TTC12: variants seen among roughly 807,000 people sequenced by gnomAD.
TTC12 encodes tetratricopeptide repeat domain 12.
TTC12 carries 70 observed loss-of-function variants against 90.1 expected under a neutral mutation model. That is an observed-to-expected ratio of 0.78 (90% CI 0.64 to 0.95). The LOEUF (loss-of-function observed/expected upper bound fraction) is 0.95, where lower values mean the gene tolerates loss of function less well. TTC12 is among the 40% of genes least tolerant of loss of function. The pLI, the probability that TTC12 is intolerant of heterozygous loss-of-function variation, is 0.00. For synonymous variants in TTC12, 296 were observed against 311.5 expected (o/e 0.95, Z 0.53); for missense variants, 819 against 846.1 (o/e 0.97, Z 0.40).
intron 18 of TTC12, among the ~76,000 whole-genome samples, chr11:113,360,701 C>T (rs1474186197): frequency 1.3e-5 from 2 of 152,156 alleles, no homozygotes; most frequent in East Asian, 3.9e-4. Context: ...GCTAGGGAAG[C>T]AATTAGGGCC....
intron 13 of TTC12, among the ~76,000 whole-genome samples, chr11:113,345,047 T>G (rs1179597952): frequency 6.6e-6 from 1 of 152,246 alleles, no homozygotes; most frequent in Admixed American, 6.5e-5. Context: ...TTTGTTATTT[T>G]GCTCACTTGT....
rs782365643 is a variant in TTC12 at position 113,340,710 on chromosome 11, C to T, written c.873C>T (p.Ile291=). The T allele has an allele frequency of 1.2e-6, 2 of 1,614,026 alleles. No homozygotes were observed. The highest frequency in any genetic ancestry group is 1.7e-6 in the Non-Finnish European group (2 of 1,179,924). The change falls in exon 11 of 22, where the codon ATC becomes ATT. Residue 291 remains isoleucine, a synonymous_variant. Transcript: ENST00000529221. Reference sequence around the variant, plus strand: ...GAATGCACAATGGATTTAGTATCATCAGTGACAACGAGGTCATAAGAAGGT... The same window carrying T: ...GAATGCACAATGGATTTAGTATCATTAGTGACAACGAGGTCATAAGAAGGT... ...LFRMHNGFSI[I]SDNEVIRRCF...
At chr11:113,364,162 G>T (rs759896536) in intron 20 of TTC12, among the ~76,000 whole-genome samples, 11 of 152,228 alleles carry the variant, frequency 7.2e-5, no homozygotes, top group Non-Finnish European at 1.5e-4. Context: ...ATGGCTCAAA[G>T]ATAACAGGGT....
intron 14 of TTC12, among the ~76,000 whole-genome samples, 200 bp from the exon 15 acceptor site, chr11:113,351,039 G>T (rs1362180809): frequency 6.6e-6 from 1 of 152,182 alleles, no homozygotes; most frequent in Non-Finnish European, 1.5e-5. Flanking sequence ...AACATCAAAG[G>T]CAATTCTCCA....
At chr11:113,318,699 G>A (rs782730113) in intron 2 of TTC12, among the ~76,000 whole-genome samples, 24 of 152,206 alleles carry the variant, frequency 1.6e-4, no homozygotes, top group Non-Finnish European at 2.6e-4. Context: ...GTGAGTCGGA[G>A]TTGGTCACTG....
intron 14 of TTC12, 59 bp downstream of exon 14, chr11:113,350,224 A>G (rs1949189869): frequency 1.5e-6 from 2 of 1,306,486 alleles, no homozygotes; most frequent in Non-Finnish European, 1.1e-6. Context: ...GAACTGTCTG[A>G]TCTTTAAAAA....
intron 14 of TTC12, among the ~76,000 whole-genome samples, 166 bp downstream of exon 14, chr11:113,350,331 C>G (rs1949195910): frequency 6.6e-6 from 1 of 152,130 alleles, no homozygotes; most frequent in African/African-American, 2.4e-5. Context: ...CTGCAGCCAC[C>G]CACTCCCATT....
chr11:113,331,836 C>T (rs1039202296), intron 7 of TTC12, among the ~76,000 whole-genome samples: 2 of 151,982 alleles, frequency 1.3e-5, no homozygotes, highest in Non-Finnish European at 2.9e-5. Context: ...AAATGCCCAG[C>T]GAGGCTCCCA....
At chr11:113,366,108 C>A in intron 21 of TTC12, 117 bp from the exon 22 acceptor site, 1 of 1,113,228 alleles carries the variant, frequency 9.0e-7, no homozygotes, top group Non-Finnish European at 1.3e-6. Context: ...TGTTTCCACC[C>A]AGAGTGATAG....
In TTC12 at chr11:113,360,569, A is replaced by T. The variant is rs139620818; in HGVS notation, c.1614+561A>T. Among the ~76,000 whole-genome samples the T allele has an allele frequency of 3.4e-3, 522 of 152,354 alleles. 4 individuals are homozygous for T. Among genetic ancestry groups the T allele is most frequent in the South Asian group, 9.3e-3 (45 of 4,830 alleles). On this transcript the variant is annotated intron_variant, in intron 18 of 21. Coordinates refer to ENST00000529221, the MANE Select transcript of TTC12 (RefSeq NM_017868.4). ...CTGAGAAAGGCCTATATGTTAGCAC[A>T]GTGCATCAGGAGAAGAATATTAGTA...
At chr11:113,336,914 A>C (rs942561126) in intron 8 of TTC12, among the ~76,000 whole-genome samples, 1 of 152,226 alleles carries the variant, frequency 6.6e-6, no homozygotes, top group East Asian at 1.9e-4. Context: ...TGGGTATTAC[A>C]TGAATTCATA....
chr11:113,351,336 A>T, intron 15 of TTC12, 37 bp downstream of exon 15: 4 of 1,575,196 alleles, frequency 2.5e-6, no homozygotes, highest in Non-Finnish European at 3.5e-6. Flanking sequence ...TGTAACAGAC[A>T]CTCTCAGGAG....
At chr11:113,332,315 A>G (rs782709811) in intron 7 of TTC12, among the ~76,000 whole-genome samples, 9 of 152,320 alleles carry the variant, frequency 5.9e-5, no homozygotes, top group East Asian at 3.9e-4. Context: ...AGAAAAATCC[A>G]TTAGTAGCCT....
chr11:113,345,386 G>A (rs1555147782), intron 13 of TTC12, among the ~76,000 whole-genome samples: 1 of 152,172 alleles, frequency 6.6e-6, no homozygotes, highest in Non-Finnish European at 1.5e-5. Context: ...AAGGAACCAA[G>A]GGAATCTCAC....
Position 113,364,903 on chromosome 11 carries a change from C to G in TTC12, c.1885C>G (p.Leu629Val). The change falls in exon 21 of 22, where the codon CTT becomes GTT. Residue 629 changes from leucine to valine, a missense_variant. Leu to Val is a conservative substitution (Grantham distance 32). Coordinates refer to ENST00000529221, the MANE Select transcript of TTC12 (RefSeq NM_017868.4). ...TCTGGTGGGCAACGCTGCCCTCTGCCTTGGTAACTGCATGGAGGTGCCCAA... is the reference window on the plus strand; with the variant it reads ...TCTGGTGGGCAACGCTGCCCTCTGCGTTGGTAACTGCATGGAGGTGCCCAA... ...EVLVGNAALCLGNCMEVPNVA... is the reference protein window; with the variant it reads ...EVLVGNAALCVGNCMEVPNVA... 6.2e-7 allele frequency: 1 copy of G among 1,614,214 alleles called. No homozygotes were observed. Among genetic ancestry groups the G allele is most frequent in the Non-Finnish European group, 8.5e-7 (1 of 1,180,038 alleles).
chr11:113,324,013 C>A lies in TTC12; in HGVS notation c.242C>A (p.Ser81Ter). Reference protein sequence around the residue: ...TAMKSAEEINSEAFLASVEKD... With the variant: ...TAMKSAEEIN ...CTACAGAGTGCAGAAGAAATAAACT[C>A]AGGTAAGGACAGCATCTCTCTTCCC... is the stretch of plus-strand genomic sequence containing the variant. Residue 81 changes from serine (S) to a stop codon, truncating the protein, a stop_gained and splice_region_variant, in exon 4 of 22, where the codon TCA becomes TAA. Transcript: ENST00000529221. LOFTEE classifies it high-confidence loss of function. 1 of 1,611,062 alleles carries A rather than the reference C, an allele frequency of 6.2e-7. No individual in the cohort carries two copies. Among genetic ancestry groups the A allele is most frequent in the East Asian group, 2.2e-5 (1 of 44,820 alleles).
chr11:113,350,014 T>G (rs567632256), intron 13 of TTC12, 59 bp from the exon 14 acceptor site: 1 of 1,355,956 alleles, frequency 7.4e-7, no homozygotes, highest in African/African-American at 1.4e-5. Context: ...AAGGTTACCC[T>G]GTTGGGATGT....
Position 113,364,911 on chromosome 11 carries a change from C to T in TTC12, c.1893C>T (p.Asn631=). The part of the protein sequence containing the change: ...LVGNAALCLG[N]CMEVPNVASS... ...GCAACGCTGCCCTCTGCCTTGGTAA[C>T]TGCATGGAGGTGCCCAACGTTGCGT... is the stretch of plus-strand genomic sequence containing the variant. Residue 631 remains asparagine (N), a synonymous_variant, in exon 21 of 22, where the codon AAC becomes AAT. Coordinates refer to ENST00000529221, the MANE Select transcript of TTC12 (RefSeq NM_017868.4). The T allele has an allele frequency of 1.2e-6, 2 of 1,614,212 alleles. No individual in the cohort carries two copies. Among genetic ancestry groups the T allele is most frequent in the Non-Finnish European group, 8.5e-7 (1 of 1,180,040 alleles).
chr11:113,317,744 A>G (rs991795535), intron 2 of TTC12, among the ~76,000 whole-genome samples: 4 of 151,950 alleles, frequency 2.6e-5, no homozygotes, highest in Non-Finnish European at 4.4e-5. Flanking sequence ...TTCGCCACAC[A>G]TACTCTGTGT....
Sources: allele counts gnomAD v4.1 joint callset (sites outside exome capture counted in the v4.1 genomes callset), GRCh38; gene constraint gnomAD v4.1.1; transcripts MANE v1.5; gene names NCBI Gene and HGNC (gene_info 2026-07-23, HGNC 2026-07-21).